Variants in RSPO2 observed in about 807,000 individuals in gnomAD.
RSPO2 encodes R-spondin 2.
Under a neutral mutation model 30.9 loss-of-function variants are expected in RSPO2, and 14 were observed. That is an observed-to-expected ratio of 0.45 (90% confidence interval 0.30 to 0.71). The LOEUF (loss-of-function observed/expected upper bound fraction) is 0.71. Among genes scored for constraint, RSPO2 ranks in the 30% least tolerant of loss-of-function variants. RSPO2 has a pLI of 0.08. For missense variants in RSPO2, 264 were observed against 301.9 expected (o/e 0.87, Z 0.93); for synonymous variants, 107 against 96.4 (o/e 1.11, Z -0.64).
At chr8:108,071,329 A>C (rs996706495) in intron 2 of RSPO2, among the ~76,000 whole-genome samples, 8 of 152,246 alleles carry the variant, frequency 5.3e-5, no homozygotes, top group African/African-American at 1.9e-4. Flanking sequence ...GAATCATATC[A>C]GCCACTGCTG....
At chr8:107,955,080 T>C (rs1297962716) in intron 5 of RSPO2, among the ~76,000 whole-genome samples, 1 of 152,176 alleles carries the variant, frequency 6.6e-6, no homozygotes, top group African/African-American at 2.4e-5. Flanking sequence ...TGAAAGCTGC[T>C]GGATGTGGAA....
At chr8:108,022,928 A>C (rs374378345) in intron 2 of RSPO2, among the ~76,000 whole-genome samples, 39 of 150,216 alleles carry the variant, frequency 2.6e-4, no homozygotes, top group African/African-American at 9.4e-4. Context: ...TGTCAAAAAA[A>C]AAAACAAAAA....
At chr8:108,064,991 A>G (rs2130712608) in intron 2 of RSPO2, among the ~76,000 whole-genome samples, 1 of 152,028 alleles carries the variant, frequency 6.6e-6, no homozygotes, top group East Asian at 1.9e-4. Context: ...TGGACACAGG[A>G]TGGGGAACAT....
At chr8:107,922,840 C>T (rs1484875934) in intron 5 of RSPO2, among the ~76,000 whole-genome samples, 1 of 150,764 alleles carries the variant, frequency 6.6e-6, no homozygotes, top group Non-Finnish European at 1.5e-5. Flanking sequence ...GCAATGGAGA[C>T]AGAACTCTAG....
intron 2 of RSPO2, among the ~76,000 whole-genome samples, chr8:108,012,995 G>A (rs749894502): frequency 1.3e-5 from 2 of 152,146 alleles, no homozygotes; most frequent in Non-Finnish European, 2.9e-5. Flanking sequence ...CCAGGTTTCT[G>A]ATGATGACAC....
Position 107,951,050 on chromosome 8 carries a change from T to TTTTTTGTTG in RSPO2, c.616+7029_616+7030insCAACAAAAA, listed in dbSNP as rs1554575801. Among the ~76,000 whole-genome samples the TTTTTTGTTG allele has an allele frequency of 7.0e-4, 49 of 69,864 alleles. 1 individual carries two copies. Among genetic ancestry groups the TTTTTTGTTG allele is most frequent in the Middle Eastern group, 7.1e-3 (1 of 140 alleles). 45.8% of individuals were successfully genotyped at this position (69,864 alleles called of 152,430 possible). On this transcript the variant is annotated intron_variant, in intron 5 of 5. Coordinates refer to ENST00000276659, the MANE Select transcript of RSPO2 (RefSeq NM_178565.5). ...AGGCGATAGGGAGAATAAGTTTTTT[T>TTTTTTGTTG]TTGTTGTTGTTGTTGTTGTTGTTGT...
intron 3 of RSPO2, among the ~76,000 whole-genome samples, chr8:107,964,275 T>A (rs926607495): frequency 1.3e-5 from 2 of 152,212 alleles, no homozygotes; most frequent in Admixed American, 6.5e-5. Context: ...AGAATTTCGC[T>A]CTTGTTGCCC....
In RSPO2 at chr8:108,073,562, CA is replaced by C. The variant is rs1180152436; in HGVS notation, c.94+8982del. Among the ~76,000 whole-genome samples the C allele has an allele frequency of 2.6e-5, 4 of 152,222 alleles. No homozygotes were observed. In the South Asian group the frequency reaches 6.2e-4, roughly 24 times the overall value. On this transcript the variant is annotated intron_variant, in intron 2 of 5. Coordinates refer to ENST00000276659, the MANE Select transcript of RSPO2 (RefSeq NM_178565.5). ...ATGATGCCTCAAGTCAGATCAATGC[CA>C]GCACCACATGTCACCAGCTGGAAAG...
intron 5 of RSPO2, among the ~76,000 whole-genome samples, chr8:107,956,854 T>TA (rs1416395228): frequency 6.6e-6 from 1 of 152,214 alleles, no homozygotes; most frequent in Non-Finnish European, 1.5e-5. Flanking sequence ...AGTGGCTTAT[T>TA]AGTTTTGTAA....
chr8:108,042,474 G>A (rs1326588611), intron 2 of RSPO2, among the ~76,000 whole-genome samples: 2 of 152,152 alleles, frequency 1.3e-5, no homozygotes, highest in Admixed American at 6.5e-5. Flanking sequence ...TTCCAGAAAA[G>A]AGTCATGATT....
intron 5 of RSPO2, among the ~76,000 whole-genome samples, chr8:107,943,851 G>A (rs1181587851): frequency 2.0e-5 from 3 of 152,186 alleles, no homozygotes; most frequent in Non-Finnish European, 2.9e-5. Context: ...CAAGGAATCT[G>A]TGCACAGATG....
intron 2 of RSPO2, among the ~76,000 whole-genome samples, chr8:108,035,320 T>C (rs1393188158): frequency 6.6e-6 from 1 of 152,238 alleles, no homozygotes; most frequent in Admixed American, 6.5e-5. Context: ...GGGGGTTTTC[T>C]TACTGTGTTT....
At chr8:107,924,761 G>T (rs935064822) in intron 5 of RSPO2, among the ~76,000 whole-genome samples, 9 of 151,688 alleles carry the variant, frequency 5.9e-5, no homozygotes, top group African/African-American at 2.2e-4. Flanking sequence ...AGTCATGCTA[G>T]GATGTCTGGT....
At chr8:108,035,828 C>T (rs537357937) in intron 2 of RSPO2, among the ~76,000 whole-genome samples, 3 of 152,210 alleles carry the variant, frequency 2.0e-5, no homozygotes, top group East Asian at 1.9e-4. Flanking sequence ...GTTTCAGTTT[C>T]GCTGGATTGG....
intron 5 of RSPO2, among the ~76,000 whole-genome samples, chr8:107,945,261 T>G (rs1813022225): frequency 7.2e-6 from 1 of 138,896 alleles, no homozygotes; most frequent in African/African-American, 2.7e-5. Context: ...TTTTTTTTTT[T>G]TTTTTGAGAC....
chr8:108,021,286 T>C (rs1811049859), intron 2 of RSPO2, among the ~76,000 whole-genome samples: 2 of 152,306 alleles, frequency 1.3e-5, no homozygotes, highest in Admixed American at 1.3e-4. Flanking sequence ...TCTGACTCAC[T>C]GGGATATGTA....
intron 2 of RSPO2, among the ~76,000 whole-genome samples, chr8:108,066,176 A>C (rs1457295295): frequency 6.6e-6 from 1 of 152,240 alleles, no homozygotes; most frequent in Non-Finnish European, 1.5e-5. Context: ...AATCCTTCTC[A>C]GGTGACATTA....
intron 2 of RSPO2, among the ~76,000 whole-genome samples, chr8:108,042,185 TCACC>T (rs1229254865): frequency 2.0e-5 from 3 of 151,956 alleles, no homozygotes; most frequent in South Asian, 4.2e-4. Flanking sequence ...CTCTCCTGAG[TCACC>T]CACATGGTAC....
chr8:108,066,526 A>C (rs1182274245), intron 2 of RSPO2, among the ~76,000 whole-genome samples: 1 of 152,152 alleles, frequency 6.6e-6, no homozygotes, highest in African/African-American at 2.4e-5. Context: ...TCCATCTGAC[A>C]AGGAATGGCT....
Sources: allele counts gnomAD v4.1 joint callset (sites outside exome capture counted in the v4.1 genomes callset), GRCh38; gene constraint gnomAD v4.1.1; transcripts MANE v1.5; gene names NCBI Gene and HGNC (gene_info 2026-07-23, HGNC 2026-07-21).